DLG2: variants seen among roughly 807,000 people sequenced by gnomAD.
The protein encoded by DLG2 is disks large homolog 2.
Under a neutral mutation model 132.5 loss-of-function variants are expected in DLG2, and 45 were observed. The observed-to-expected ratio is 0.34, with a 90% CI of 0.27 to 0.44. DLG2 has a LOEUF of 0.44. Among genes scored for constraint, DLG2 ranks in the 20% least tolerant of loss-of-function variants. DLG2 has a pLI of 1.00. For missense variants in DLG2, 1,045 were observed against 1,196.9 expected (o/e 0.87, Z 1.87); for synonymous variants, 424 against 419.6 (o/e 1.01, Z -0.13).
chr11:84,658,278 G>C (rs1223824286), intron 6 of DLG2, among the ~76,000 whole-genome samples: 1 of 152,090 alleles, frequency 6.6e-6, no homozygotes, highest in Non-Finnish European at 1.5e-5. Flanking sequence ...TACCAACCTT[G>C]ATCAGAATCC....
chr11:84,417,309 A>C (rs143959611), intron 7 of DLG2, among the ~76,000 whole-genome samples: 1 of 152,236 alleles, frequency 6.6e-6, no homozygotes, highest in African/African-American at 2.4e-5. Flanking sequence ...CAGTGATAAT[A>C]GTATCTGTCC....
At chr11:84,031,784 A>G (rs1178338326) in intron 11 of DLG2, among the ~76,000 whole-genome samples, 1 of 152,144 alleles carries the variant, frequency 6.6e-6, no homozygotes, top group African/African-American at 2.4e-5. Context: ...CACATTTTTT[A>G]CAAATTGAAA....
At chr11:85,105,209 G>A (rs564475687) in intron 6 of DLG2, among the ~76,000 whole-genome samples, 6 of 151,970 alleles carry the variant, frequency 3.9e-5, no homozygotes, top group Non-Finnish European at 2.9e-5. Flanking sequence ...CACTGGGAAT[G>A]CCCTTTCATC....
chr11:84,424,776 T>C (rs1309976488), intron 7 of DLG2, among the ~76,000 whole-genome samples: 1 of 152,094 alleles, frequency 6.6e-6, no homozygotes, highest in Non-Finnish European at 1.5e-5. Flanking sequence ...TTCCTAAGAA[T>C]GTAATCAAAG....
intron 8 of DLG2, among the ~76,000 whole-genome samples, chr11:84,226,135 T>C (rs901788322): frequency 2.6e-5 from 4 of 152,320 alleles, no homozygotes; most frequent in East Asian, 1.9e-4. Context: ...GGATAGTTTA[T>C]TGTTTATCTT....
At chr11:84,116,427 G>C (rs113118675) in intron 9 of DLG2, among the ~76,000 whole-genome samples, 4,415 of 152,242 alleles carry the variant, frequency 0.029, 207 homozygotes, top group African/African-American at 0.096. Context: ...AGATTTAATG[G>C]ACTCACAGTT....
intron 9 of DLG2, among the ~76,000 whole-genome samples, chr11:84,099,313 A>G (rs910927064): frequency 1.3e-4 from 20 of 152,216 alleles, no homozygotes; most frequent in African/African-American, 4.6e-4. Context: ...ACATTTATGA[A>G]GCAGGAAATA....
chr11:83,852,248 G>A (rs947906620), intron 16 of DLG2, among the ~76,000 whole-genome samples: 1 of 152,226 alleles, frequency 6.6e-6, no homozygotes, highest in African/African-American at 2.4e-5. Context: ...GTGAGCCAAT[G>A]CACAAACTGA....
chr11:85,229,761 C>A (rs979969328), intron 4 of DLG2, among the ~76,000 whole-genome samples: 4 of 152,078 alleles, frequency 2.6e-5, no homozygotes, highest in Non-Finnish European at 5.9e-5. Flanking sequence ...CAATGATAGA[C>A]TGGATAAAGA....
chr11:84,406,169 C>G (rs2098848257), intron 7 of DLG2, among the ~76,000 whole-genome samples: 1 of 152,192 alleles, frequency 6.6e-6, no homozygotes, highest in South Asian at 2.1e-4. Flanking sequence ...TGTCACCACA[C>G]TTAACCCCTG....
chr11:83,946,756 T>C (rs2084070830), intron 14 of DLG2, among the ~76,000 whole-genome samples: 1 of 152,012 alleles, frequency 6.6e-6, no homozygotes, highest in South Asian at 2.1e-4. Flanking sequence ...CACATACACA[T>C]AATTTTTAAA....
chr11:83,503,608 G>C (rs988866421), intron 21 of DLG2, among the ~76,000 whole-genome samples: 1 of 151,620 alleles, frequency 6.6e-6, no homozygotes. Context: ...TCCAGCATGG[G>C]AGAAGGATGT....
chr11:84,645,446 T>C (rs2099673531), intron 6 of DLG2, among the ~76,000 whole-genome samples: 3 of 152,134 alleles, frequency 2.0e-5, no homozygotes, highest in Admixed American at 2.0e-4. Context: ...AGCTATTAAG[T>C]GACCATCCAT....
chr11:84,250,668 CTT>C lies in DLG2; in HGVS notation c.573+568_573+569del. Reference sequence around the variant, plus strand: ...CCCAGCCAGACTCTATCTTCAAGAACTTTTGCCATCATAGTGGTTGTGTTACA... The same window carrying C: ...CCCAGCCAGACTCTATCTTCAAGAACTTGCCATCATAGTGGTTGTGTTACA... On this transcript the variant is annotated intron_variant, in intron 8 of 27. Coordinates refer to ENST00000376104, the MANE Select transcript of DLG2 (RefSeq NM_001142699.3). Among the ~76,000 whole-genome samples, 3 of 152,304 alleles carry C rather than the reference CTT, an allele frequency of 2.0e-5. 1 individual carries two copies. The Middle Eastern group carries it at 0.01, about 518-fold the overall frequency.
chr11:83,495,437 C>T (rs1483151387), intron 21 of DLG2, among the ~76,000 whole-genome samples: 1 of 152,160 alleles, frequency 6.6e-6, no homozygotes, highest in Non-Finnish European at 1.5e-5. Flanking sequence ...CTGAAGTACT[C>T]TATCTTCAAA....
intron 6 of DLG2, among the ~76,000 whole-genome samples, chr11:84,632,509 T>C (rs1212273697): frequency 6.6e-6 from 1 of 152,172 alleles, no homozygotes; most frequent in Non-Finnish European, 1.5e-5. Flanking sequence ...CACTGCAACA[T>C]GTAAATTTGA....
intron 10 of DLG2, among the ~76,000 whole-genome samples, chr11:84,082,634 T>G (rs75883005): frequency 0.014 from 2,066 of 152,328 alleles, 48 homozygotes; most frequent in African/African-American, 0.046. Context: ...TGTTCATAGA[T>G]TCTTAAATAT....
Position 84,499,769 on chromosome 11 carries a change from A to T in DLG2, c.519+34801T>A, listed in dbSNP as rs535654055. Reference sequence around the variant, plus strand: ...TCCTTCCTCTCTCTCTCTCTCTCTCACATGCACACACATGCATATATGCTC... The same window carrying T: ...TCCTTCCTCTCTCTCTCTCTCTCTCTCATGCACACACATGCATATATGCTC... On this transcript the variant is annotated intron_variant, in intron 7 of 27. Coordinates refer to ENST00000376104, the MANE Select transcript of DLG2 (RefSeq NM_001142699.3). Among the ~76,000 whole-genome samples the T allele has an allele frequency of 1.1e-3, 169 of 151,442 alleles. 2 individuals are homozygous for T. The highest frequency in any genetic ancestry group is 3.7e-3 in the African/African-American group (153 of 41,254).
chr11:84,413,521 T>C (rs1007162373), intron 7 of DLG2, among the ~76,000 whole-genome samples: 1 of 152,190 alleles, frequency 6.6e-6, no homozygotes, highest in South Asian at 2.1e-4. Flanking sequence ...AGAAATGTGA[T>C]GTGTCCTCAC....
Sources: gnomAD v4.1 joint callset for allele counts (sites outside exome capture counted in the v4.1 genomes callset) on GRCh38, gnomAD v4.1.1 for gene constraint, MANE v1.5 for transcripts, NCBI Gene and HGNC (gene_info 2026-07-23, HGNC 2026-07-21) for gene names.